The following TPRG1 variants were observed in gnomAD, a reference collection of about 807,000 sequenced individuals.
The protein encoded by TPRG1 is tumor protein p63-regulated gene 1 protein.
TPRG1 carries 29 observed loss-of-function variants against 29.3 expected under a neutral mutation model. That is an observed-to-expected ratio of 0.99 (90% CI 0.74 to 1.35). The LOEUF (loss-of-function observed/expected upper bound fraction) is 1.35, where lower values mean the gene tolerates loss of function less well. Ranked by LOEUF, TPRG1 falls within the 40% of genes most tolerant of loss-of-function variation. TPRG1 has a pLI of 0.00. For missense variants in TPRG1, 327 were observed against 335.0 expected, an observed-to-expected ratio of 0.98 and a Z score of 0.19; for synonymous variants, 130 against 116.8, an observed-to-expected ratio of 1.11 and a Z score of -0.73.
intron 2 of TPRG1, among the ~76,000 whole-genome samples, chr3:189,002,880 T>A (rs1158948459): frequency 2.0e-5 from 3 of 152,106 alleles, no homozygotes; most frequent in African/African-American, 7.2e-5. Context: ...ACCTTACTTA[T>A]TTTTTAAGCA....
At chr3:189,006,842 T>C (rs1412486647) in intron 3 of TPRG1, among the ~76,000 whole-genome samples, 1 of 152,166 alleles carries the variant, frequency 6.6e-6, no homozygotes, top group African/African-American at 2.4e-5. Flanking sequence ...GGCACATTTT[T>C]GAATGTATTT....
At chr3:189,216,125 A>AT (rs746182898) in intron 3 of TPRG1, among the ~76,000 whole-genome samples, 75 of 151,726 alleles carry the variant, frequency 4.9e-4, no homozygotes, top group Middle Eastern at 6.8e-3. Context: ...AGAAAAGGCA[A>AT]TTTTTTTTTA....
intron 4 of TPRG1, among the ~76,000 whole-genome samples, chr3:189,264,778 T>G (rs984079833): frequency 5.3e-5 from 8 of 152,254 alleles, no homozygotes; most frequent in African/African-American, 1.7e-4. Context: ...AGTAACTCCC[T>G]GATTTCTTAT....
chr3:189,255,138 A>C (rs1045558577), intron 4 of TPRG1, among the ~76,000 whole-genome samples: 16 of 152,188 alleles, frequency 1.1e-4, no homozygotes, highest in East Asian at 1.9e-4. Context: ...TTGCCCATTC[A>C]GTGTGATATT....
chr3:189,263,635 G>C (rs1046853435), intron 4 of TPRG1, among the ~76,000 whole-genome samples: 8 of 152,204 alleles, frequency 5.3e-5, no homozygotes, highest in African/African-American at 1.9e-4. Context: ...GTTTGATTCA[G>C]TGTATAAAGT....
intron 5 of TPRG1, among the ~76,000 whole-genome samples, chr3:189,157,649 C>T (rs573074919): frequency 2.0e-5 from 3 of 152,260 alleles, no homozygotes; most frequent in South Asian, 2.1e-4. Context: ...GTTAAGGGAG[C>T]GTAGCAAGCA....
In TPRG1 at chr3:189,207,394, A is replaced by G. The variant is rs1286762422; in HGVS notation, c.10A>G (p.Ile4Val). 6.2e-6 allele frequency: 10 copies of G among 1,614,000 alleles called. No homozygotes were observed. The highest frequency in any genetic ancestry group is 4.2e-6 in the Non-Finnish European group (5 of 1,179,922). MST[I>V]GSFEGFQAVS... Reference sequence around the variant, plus strand: ...GGTTTAGGCTGAAGAAATGTCAACAATTGGGAGTTTTGAAGGATTCCAGGC... The same window carrying G: ...GGTTTAGGCTGAAGAAATGTCAACAGTTGGGAGTTTTGAAGGATTCCAGGC... Residue 4 changes from isoleucine to valine, a missense_variant, in exon 2 of 6, where the codon ATT becomes GTT. Physicochemically the swap from Ile to Val is conservative, Grantham distance 29 (BLOSUM62 3). Transcript: ENST00000345063.
At chr3:189,026,799 C>CA (rs1713685199) in intron 4 of TPRG1, among the ~76,000 whole-genome samples, 1 of 152,126 alleles carries the variant, frequency 6.6e-6, no homozygotes, top group South Asian at 2.1e-4. Flanking sequence ...GTGCTATAGA[C>CA]AGTCACATTG....
intron 3 of TPRG1, among the ~76,000 whole-genome samples, chr3:189,136,624 T>C (rs1190918193): frequency 6.6e-6 from 1 of 152,154 alleles, no homozygotes; most frequent in Non-Finnish European, 1.5e-5. Flanking sequence ...TGCGGAAATT[T>C]CAGAATTCAA....
intron 4 of TPRG1, among the ~76,000 whole-genome samples, chr3:189,057,066 C>T (rs1021685726): frequency 6.6e-6 from 1 of 152,196 alleles, no homozygotes; most frequent in African/African-American, 2.4e-5. Context: ...GGCTTGACAT[C>T]ACATCTATCA....
At chr3:189,185,030 G>A (rs1730731856) in intron 1 of TPRG1, among the ~76,000 whole-genome samples, 1 of 152,162 alleles carries the variant, frequency 6.6e-6, no homozygotes, top group Admixed American at 6.5e-5. Context: ...TAAGGAGGTA[G>A]GAATGAGTTA....
rs1249231234 is a variant in TPRG1, at chr3:189,239,045, ATTAAACTAGAG to A, written c.479+139_479+149del. 1.1e-4 allele frequency: 78 copies of A among 690,628 alleles called. No homozygotes were observed. The African/African-American group carries it at 1.3e-3, about 12-fold the overall frequency. The allele number at this position is 690,628 out of a possible 1,614,324, so 42.8% of individuals were successfully genotyped here. ...TAGTGAAATCATGAAAGTTGAAATC[ATTAAACTAGAG>A]TTCCTACTCTATGTCAGCCTCCAGG... On this transcript the variant is annotated intron_variant, in intron 4 of 5. Transcript: ENST00000345063.
Position 189,324,519 on chromosome 3 carries a change from A to G in TPRG1, c.*3699A>G, listed in dbSNP as rs1724564554. The G allele has an allele frequency of 6.6e-6, 1 of 152,190 alleles. No homozygotes were observed. The allele number at this position is 152,190 out of a possible 1,614,324, so 9.4% of individuals were successfully genotyped here. ...TTCCAGAAATTGCCATCATTTTCTT[A>G]AAGGCTAAGGACACTTATAGAGCTC... On this transcript the variant is annotated 3_prime_UTR_variant, in exon 6 of 6. Transcript: ENST00000345063.
chr3:189,229,156 G>C (rs1738252352), intron 3 of TPRG1, among the ~76,000 whole-genome samples: 1 of 152,172 alleles, frequency 6.6e-6, no homozygotes, highest in Admixed American at 6.5e-5. Flanking sequence ...CGGGTTTGTA[G>C]ATTGGAAGAC....
upstream of TPRG1, among the ~76,000 whole-genome samples, chr3:189,099,519 G>A (rs1187772121): frequency 6.6e-6 from 1 of 152,076 alleles, no homozygotes; most frequent in Non-Finnish European, 1.5e-5. Flanking sequence ...GGAGGTGGAA[G>A]CATACCCCCA....
At chr3:189,031,863 GA>G (rs1224462982) in intron 4 of TPRG1, among the ~76,000 whole-genome samples, 1 of 152,126 alleles carries the variant, frequency 6.6e-6, no homozygotes, top group Non-Finnish European at 1.5e-5. Context: ...TCTCACCAAG[GA>G]AAGTAGCAAT....
intron 3 of TPRG1, among the ~76,000 whole-genome samples, chr3:189,012,032 G>A (rs950875892): frequency 3.9e-5 from 6 of 152,174 alleles, no homozygotes; most frequent in African/African-American, 1.4e-4. Context: ...AAGCCTTTGG[G>A]CTGAGATGAC....
intron 3 of TPRG1, among the ~76,000 whole-genome samples, chr3:189,022,734 CTT>C (rs1713406343): frequency 6.6e-6 from 1 of 152,240 alleles, no homozygotes; most frequent in South Asian, 2.1e-4. Flanking sequence ...GGCAGGCCTC[CTT>C]GAGCTGTGGC....
intron 3 of TPRG1, among the ~76,000 whole-genome samples, chr3:189,016,674 T>C (rs117241051): frequency 6.6e-6 from 1 of 152,084 alleles, no homozygotes; most frequent in Non-Finnish European, 1.5e-5. Flanking sequence ...CCTATCTTGC[T>C]ATTCTTGTAA....
Sources: allele counts gnomAD v4.1 joint callset (sites outside exome capture counted in the v4.1 genomes callset), GRCh38; gene constraint gnomAD v4.1.1; transcripts MANE v1.5; gene names NCBI Gene and HGNC (gene_info 2026-07-23, HGNC 2026-07-21).